The following BTBD9 variants were observed in gnomAD, a reference collection of about 807,000 sequenced individuals.
The protein encoded by BTBD9 is BTB/POZ domain-containing protein 9.
Under a neutral mutation model 64.3 loss-of-function variants are expected in BTBD9, and 49 were observed. The ratio of observed to expected loss-of-function variants is 0.76; its 90% CI spans 0.61 to 0.97. BTBD9 has a LOEUF of 0.97. Ranked by LOEUF, BTBD9 falls within the 50% of genes least tolerant of loss-of-function variation. The pLI, the probability that BTBD9 is intolerant of heterozygous loss-of-function variation, is 0.00. For synonymous variants in BTBD9, 260 were observed against 274.7 expected (o/e 0.95, Z 0.53); for missense variants, 598 against 762.1 (o/e 0.78, Z 2.53).
intron 6 of BTBD9, among the ~76,000 whole-genome samples, chr6:38,389,504 G>A (rs998066167): frequency 2.6e-5 from 4 of 152,152 alleles, no homozygotes; most frequent in African/African-American, 9.7e-5. Context: ...GGCGTTGGGT[G>A]TTCACTTTCA....
chr6:38,424,901 C>T (rs577416974), intron 6 of BTBD9, among the ~76,000 whole-genome samples: 2 of 151,246 alleles, frequency 1.3e-5, no homozygotes, highest in East Asian at 1.9e-4. Context: ...TGCAGTGGCA[C>T]GATATCGGCT....
At chr6:38,297,141 G>A (rs919322289) in intron 7 of BTBD9, among the ~76,000 whole-genome samples, 1 of 152,196 alleles carries the variant, frequency 6.6e-6, no homozygotes, top group African/African-American at 2.4e-5. Context: ...GCTGAGGTGG[G>A]CGGATCACAA....
chr6:38,508,389 T>A (rs903611604), intron 6 of BTBD9, among the ~76,000 whole-genome samples: 1 of 151,992 alleles, frequency 6.6e-6, no homozygotes, highest in African/African-American at 2.4e-5. Flanking sequence ...CTCCCCCAAA[T>A]AGACACATTT....
At chr6:38,242,504 T>C (rs964472079) in intron 9 of BTBD9, among the ~76,000 whole-genome samples, 2 of 152,218 alleles carry the variant, frequency 1.3e-5, no homozygotes, top group African/African-American at 4.8e-5. Flanking sequence ...GCTTGGGCTA[T>C]GATTTCCAAG....
chr6:38,460,458 G>GA (rs1770025788), intron 6 of BTBD9, among the ~76,000 whole-genome samples: 2 of 151,954 alleles, frequency 1.3e-5, no homozygotes, highest in Admixed American at 1.3e-4. Context: ...CCTTCCAAGA[G>GA]AAAAAAGAAT....
At chr6:38,522,729 C>A (rs1773324806) in intron 6 of BTBD9, among the ~76,000 whole-genome samples, 1 of 152,152 alleles carries the variant, frequency 6.6e-6, no homozygotes, top group Non-Finnish European at 1.5e-5. Context: ...CCATCCATTT[C>A]CAACTACCAG....
intron 9 of BTBD9, among the ~76,000 whole-genome samples, chr6:38,220,048 GA>G (rs1239327796): frequency 6.6e-6 from 1 of 152,234 alleles, no homozygotes. Flanking sequence ...TCAAGATAAT[GA>G]AAAAGTGCGT....
At chr6:38,320,411 CTTTTAAGGAATATCTTATTTCTGCAT>C (rs1272442199) in intron 7 of BTBD9, among the ~76,000 whole-genome samples, 1 of 152,162 alleles carries the variant, frequency 6.6e-6, no homozygotes, top group African/African-American at 2.4e-5. Context: ...TCGTATCTGC[CTTTTAAGGAATATCTTATTTCTGCAT>C]TTTAACTCTC....
chr6:38,612,198 G>GT (rs1777636824), intron 1 of BTBD9, among the ~76,000 whole-genome samples: 1 of 152,156 alleles, frequency 6.6e-6, no homozygotes, highest in South Asian at 2.1e-4. Flanking sequence ...TGTTAGTTTA[G>GT]TTATAATGGG....
intron 6 of BTBD9, among the ~76,000 whole-genome samples, chr6:38,569,416 G>T (rs990941641): frequency 8.5e-5 from 13 of 152,126 alleles, no homozygotes; most frequent in African/African-American, 3.1e-4. Context: ...AACATAGAAG[G>T]TGCTACCTGA....
chr6:38,177,410 C>T (rs1761321748), intron 10 of BTBD9, among the ~76,000 whole-genome samples: 2 of 152,232 alleles, frequency 1.3e-5, no homozygotes, highest in Non-Finnish European at 2.9e-5. Context: ...CTGCCTCCTT[C>T]TACTGATCTG....
chr6:38,280,277 C>T (rs1761459655), intron 8 of BTBD9, among the ~76,000 whole-genome samples: 1 of 152,108 alleles, frequency 6.6e-6, no homozygotes, highest in African/African-American at 2.4e-5. Context: ...AAATTATTTG[C>T]TGTATGATTT....
intron 7 of BTBD9, among the ~76,000 whole-genome samples, chr6:38,313,494 C>T (rs1762917532): frequency 6.6e-6 from 1 of 152,144 alleles, no homozygotes; most frequent in South Asian, 2.1e-4. Context: ...TTTTCCCCAT[C>T]AGTATGATAC....
At chr6:38,496,357 A>T (rs1771952456) in intron 6 of BTBD9, among the ~76,000 whole-genome samples, 1 of 152,192 alleles carries the variant, frequency 6.6e-6, no homozygotes, top group Non-Finnish European at 1.5e-5. Context: ...TAAAGATGCA[A>T]ATCAGCCAGG....
intron 6 of BTBD9, among the ~76,000 whole-genome samples, chr6:38,436,606 C>A (rs1050059137): frequency 5.3e-5 from 8 of 151,612 alleles, no homozygotes; most frequent in Admixed American, 1.3e-4. Flanking sequence ...AAATTCCTGA[C>A]CTCAGGTCAT....
chr6:38,396,897 C>CTTTT (rs146597621), intron 6 of BTBD9, among the ~76,000 whole-genome samples: 70 of 107,326 alleles, frequency 6.5e-4, no homozygotes, highest in African/African-American at 1.2e-3. Flanking sequence ...TTTTCTTTTT[C>CTTTT]TTTTTTTTTT....
chr6:38,351,545 T>C (rs982087710), intron 6 of BTBD9, among the ~76,000 whole-genome samples: 1 of 139,014 alleles, frequency 7.2e-6, no homozygotes, highest in Non-Finnish European at 1.5e-5. Flanking sequence ...AGTCTCACTT[T>C]ATAGCCAGTG....
chr6:38,636,095 A>C (rs1778517936), intron 1 of BTBD9, among the ~76,000 whole-genome samples: 1 of 152,218 alleles, frequency 6.6e-6, no homozygotes, highest in Non-Finnish European at 1.5e-5. Flanking sequence ...CTGTGCACAT[A>C]GTACCTTTGT....
chr6:38,457,352 G>T (rs1265250165), intron 6 of BTBD9, among the ~76,000 whole-genome samples: 1 of 152,202 alleles, frequency 6.6e-6, no homozygotes, highest in Non-Finnish European at 1.5e-5. Flanking sequence ...GGCTCCCACA[G>T]TCTGGGCAAG....
Sources: gnomAD v4.1 joint callset for allele counts (sites outside exome capture counted in the v4.1 genomes callset) on GRCh38, gnomAD v4.1.1 for gene constraint, MANE v1.5 for transcripts, NCBI Gene and HGNC (gene_info 2026-07-23, HGNC 2026-07-21) for gene names.